LRRC49: variants seen among roughly 807,000 people sequenced by gnomAD.
The protein encoded by LRRC49 is leucine-rich repeat-containing protein 49.
A neutral mutation model predicts 83.3 loss-of-function variants in LRRC49; 50 were observed. The observed-to-expected ratio is 0.60, with a 90% CI of 0.48 to 0.76. The LOEUF (loss-of-function observed/expected upper bound fraction) is 0.76. LRRC49 is among the 30% of genes least tolerant of loss of function. The pLI is 0.00. For synonymous variants in LRRC49, 286 were observed against 283.3 expected (o/e 1.01, Z -0.10); for missense variants, 704 against 809.1 (o/e 0.87, Z 1.58).
rs761323709 is a variant in LRRC49 at position 70,900,934 on chromosome 15, A to G, written c.206A>G (p.Asn69Ser). 1.3e-6 allele frequency: 2 copies of G among 1,596,198 alleles called. No individual in the cohort carries two copies. The highest frequency in any genetic ancestry group is 1.7e-6 in the Non-Finnish European group (2 of 1,168,712). Residue 69 changes from asparagine (N) to serine (S), a missense_variant, in exon 4 of 16, where the codon AAT becomes AGT. Coordinates refer to ENST00000260382, the MANE Select transcript of LRRC49 (RefSeq NM_017691.5). ...NYSSRQGDHI[N>S]LVSSSLSSFP... ...TCATTTTTAATAGGTGATCATATTA[A>G]TTTGGTGAGCTCATCATTGTCATCA... is the stretch of plus-strand genomic sequence containing the variant.
intron 8 of LRRC49, among the ~76,000 whole-genome samples, chr15:70,957,863 T>G (rs151102491): frequency 6.6e-6 from 1 of 152,216 alleles, no homozygotes; most frequent in African/African-American, 2.4e-5. Flanking sequence ...AAAGGAGACT[T>G]GATAGATGAA....
chr15:70,900,570 C>T (rs2034028805), intron 3 of LRRC49: 1 of 457,632 alleles, frequency 2.2e-6, no homozygotes, highest in Non-Finnish European at 4.4e-6. Flanking sequence ...TAGTGCTGGC[C>T]CAAATATATC....
chr15:70,951,305 T>G (rs553980469), intron 8 of LRRC49, among the ~76,000 whole-genome samples: 1 of 152,240 alleles, frequency 6.6e-6, no homozygotes, highest in South Asian at 2.1e-4. Flanking sequence ...AAAAATGACA[T>G]TGGTAGTATG....
At chr15:70,895,023 A>G (rs376399589) in intron 2 of LRRC49, among the ~76,000 whole-genome samples, 16 of 152,262 alleles carry the variant, frequency 1.1e-4, no homozygotes, top group East Asian at 7.7e-4. Flanking sequence ...CCTCATCTAA[A>G]TATTTTTTCC....
At chr15:70,948,171 T>A (rs2036078053) in intron 8 of LRRC49, among the ~76,000 whole-genome samples, 1 of 152,020 alleles carries the variant, frequency 6.6e-6, no homozygotes, top group Non-Finnish European at 1.5e-5. Flanking sequence ...CTCATTGCCA[T>A]CTGTCTGCCT....
intron 8 of LRRC49, among the ~76,000 whole-genome samples, chr15:70,955,269 G>A (rs1279642629): frequency 6.6e-6 from 1 of 152,256 alleles, no homozygotes; most frequent in East Asian, 1.9e-4. Flanking sequence ...AACAGCCTCA[G>A]GCAGGTCCTT....
chr15:70,853,568 C>G, intron 1 of LRRC49: 1 of 212,030 alleles, frequency 4.7e-6, no homozygotes, highest in Non-Finnish European at 9.3e-6. Flanking sequence ...GAGAAGAGGC[C>G]TCCTCCAGAG....
At chr15:70,949,939 G>A (rs990989353) in intron 8 of LRRC49, among the ~76,000 whole-genome samples, 14 of 151,962 alleles carry the variant, frequency 9.2e-5, no homozygotes, top group African/African-American at 3.1e-4. Context: ...CCAGATAGGC[G>A]GACTTCCAAG....
At chr15:70,908,190 C>T (rs1284318034) in intron 5 of LRRC49, among the ~76,000 whole-genome samples, 5 of 152,196 alleles carry the variant, frequency 3.3e-5, no homozygotes, top group Admixed American at 6.5e-5. Flanking sequence ...TCAAAGCTAA[C>T]GAATACCAGA....
At chr15:70,854,238 C>A in intron 1 of LRRC49, 1 of 225,322 alleles carries the variant, frequency 4.4e-6, no homozygotes, top group Non-Finnish European at 7.2e-6. Context: ...CCCCGCCCCG[C>A]GCCGCCGCCG....
chr15:70,872,568 G>A (rs1031670067), intron 1 of LRRC49, among the ~76,000 whole-genome samples: 5 of 152,194 alleles, frequency 3.3e-5, no homozygotes, highest in Non-Finnish European at 7.3e-5. Context: ...CCGGTTCTGG[G>A]ACTGGGTTTA....
intron 9 of LRRC49, among the ~76,000 whole-genome samples, chr15:70,969,723 G>A (rs968817975): frequency 5.3e-5 from 8 of 151,848 alleles, no homozygotes; most frequent in East Asian, 1.9e-4. Flanking sequence ...ATGCCTAGAC[G>A]TTTTCTTCTG....
At chr15:70,959,555 AAGGAAGG>A (rs1449365920) in intron 8 of LRRC49, among the ~76,000 whole-genome samples, 1 of 105,112 alleles carries the variant, frequency 9.5e-6, no homozygotes, top group African/African-American at 3.9e-5. Context: ...GGAAGGAAGG[AAGGAAGG>A]AAGGAAGGAA....
rs578164408 is a variant in LRRC49 at position 70,859,505 on chromosome 15, G to A, written c.-299+6036G>A. The A allele has an allele frequency of 6.4e-4, 442 of 686,886 alleles. 1 individual carries two copies. Among genetic ancestry groups the A allele is most frequent in the Non-Finnish European group, 1.0e-3 (365 of 364,916 alleles). The allele number at this position is 686,886 out of a possible 1,614,324, so 42.5% of individuals were successfully genotyped here. A position where few individuals can be genotyped will look rare whatever the true frequency, so the allele number is the denominator to read the frequency against. On this transcript the variant is annotated intron_variant, in intron 1 of 16. Coordinates refer to the LRRC49 transcript ENST00000544974. ...GGTCAGCATCATTGCTGAGGTCAAG[G>A]TGCAGTAGGAGGAGATTGCCAACCG...
At chr15:70,889,666 T>G (rs747871093), upstream of LRRC49, among the ~76,000 whole-genome samples, 1 of 152,228 alleles carries the variant, frequency 6.6e-6, no homozygotes, top group Non-Finnish European at 1.5e-5. Flanking sequence ...AAGTGGTGTC[T>G]TATCTTTTTG....
rs763838386 is a variant in LRRC49, at chr15:70,882,922, T to C, written c.18+9699T>C. 59 of 1,613,462 alleles carry C rather than the reference T, an allele frequency of 3.7e-5. No individual in the cohort carries two copies. The South Asian group carries it at 5.6e-4, about 15-fold the overall frequency. On this transcript the variant is annotated intron_variant, in intron 2 of 16. Transcript: ENST00000544974. The stretch of plus-strand genomic sequence containing the variant: ...TTCACACGTAATCTAAAAATACAAA[T>C]CAGAGGAGAAACATATTAAAGTGTA...
chr15:70,966,049 G>A (rs895487998), intron 9 of LRRC49, among the ~76,000 whole-genome samples: 3 of 152,252 alleles, frequency 2.0e-5, no homozygotes, highest in Middle Eastern at 3.4e-3. Flanking sequence ...GCAGAGTCAA[G>A]TAGTTGCTAT....
chr15:70,859,597 GC>G, intron 1 of LRRC49: 1 of 649,192 alleles, frequency 1.5e-6, no homozygotes, highest in South Asian at 1.4e-5. Context: ...TGGCTGGGAA[GC>G]TTGGGCATGA....
intron 3 of LRRC49, chr15:70,900,379 G>T: frequency 2.3e-6 from 1 of 432,712 alleles, no homozygotes. Context: ...AGAAAGAGAT[G>T]ATGCGAGGTT....
Sources: allele counts gnomAD v4.1 joint callset (sites outside exome capture counted in the v4.1 genomes callset), GRCh38; gene constraint gnomAD v4.1.1; transcripts MANE v1.5; gene names NCBI Gene and HGNC (gene_info 2026-07-23, HGNC 2026-07-21).